CAPN9: variants seen among roughly 807,000 people sequenced by gnomAD.
CAPN9 encodes calpain-9.
A neutral mutation model predicts 92.8 loss-of-function variants in CAPN9; 81 were observed. The observed-to-expected ratio is 0.87, with a 90% CI of 0.73 to 1.05. The LOEUF (loss-of-function observed/expected upper bound fraction) is 1.05, where lower values mean the gene tolerates loss of function less well. CAPN9 is among the 50% of genes least tolerant of loss of function. The probability of loss-of-function intolerance (pLI) is 0.00; values close to 1 mark genes in which losing one functional copy is unlikely to be tolerated. For missense variants in CAPN9, 848 were observed against 866.2 expected, an observed-to-expected ratio of 0.98 and a Z score of 0.26; for synonymous variants, 304 against 328.0, an observed-to-expected ratio of 0.93 and a Z score of 0.79.
intron 5 of CAPN9, 105 bp downstream of exon 5, chr1:230,767,814 A>T: frequency 1.9e-6 from 2 of 1,043,978 alleles, no homozygotes; most frequent in Non-Finnish European, 2.8e-6. Flanking sequence ...ACACCCAAGG[A>T]GGGGCATAAC....
chr1:230,785,987 G>A lies in CAPN9; in HGVS notation c.1488G>A (p.Met496Ile). 1 of 1,614,010 alleles carries A rather than the reference G, an allele frequency of 6.2e-7. No homozygotes were observed. Among genetic ancestry groups the A allele is most frequent in the East Asian group, 2.2e-5 (1 of 44,890 alleles). Residue 496 changes from methionine to isoleucine, a missense_variant, in exon 12 of 20, where the codon ATG becomes ATA. Coordinates refer to ENST00000271971, the MANE Select transcript of CAPN9 (RefSeq NM_006615.3). The part of the protein sequence containing the change: ...FSEKKAITRD[M>I]DGNVDIDLPE... Reference sequence around the variant, plus strand: ...TGTTTTTCTGCCCCTACAGGGATATGGATGGAAATGTAGACATTGACCTTC... The same window carrying A: ...TGTTTTTCTGCCCCTACAGGGATATAGATGGAAATGTAGACATTGACCTTC...
At chr1:230,799,718 C>A (rs76794163) in intron 19 of CAPN9, among the ~76,000 whole-genome samples, 100 of 152,292 alleles carry the variant, frequency 6.6e-4, no homozygotes, top group African/African-American at 2.3e-3. Context: ...AAGATGTGCA[C>A]ACACAAATTA....
intron 18 of CAPN9, among the ~76,000 whole-genome samples, chr1:230,796,292 C>G (rs886354002): frequency 4.0e-5 from 6 of 150,162 alleles, no homozygotes; most frequent in African/African-American, 1.5e-4. Flanking sequence ...CCACTGCACT[C>G]CAGCCTGGGC....
chr1:230,764,955 A>C (rs1034998545), intron 4 of CAPN9, among the ~76,000 whole-genome samples: 2 of 152,190 alleles, frequency 1.3e-5, no homozygotes, highest in Non-Finnish European at 1.5e-5. Context: ...TATCATACAC[A>C]TATGTATTTC....
At chr1:230,775,277 C>A (rs1213528035) in intron 8 of CAPN9, among the ~76,000 whole-genome samples, 1 of 152,154 alleles carries the variant, frequency 6.6e-6, no homozygotes, top group Non-Finnish European at 1.5e-5. Context: ...AATTTGAAGA[C>A]AGGCAGCCCT....
Position 230,747,550 on chromosome 1 carries a change from C to A in CAPN9, c.54C>A (p.Asp18Glu). The A allele has an allele frequency of 1.2e-6, 2 of 1,614,188 alleles. No homozygotes were observed. Among genetic ancestry groups the A allele is most frequent in the Non-Finnish European group, 1.7e-6 (2 of 1,180,044 alleles). ...PGPQAHPVPK[D>E]ARITHSSGQS... The stretch of plus-strand genomic sequence containing the variant: ...CTCAGGCACACCCGGTTCCCAAGGA[C>A]GCCCGGATCACCCACTCCTCAGGCC... Residue 18 changes from aspartate to glutamate, a missense_variant, in exon 1 of 20, where the codon GAC becomes GAA. By Grantham distance (45) the Asp-to-Glu change is conservative (BLOSUM62 2). Transcript: ENST00000271971.
chr1:230,793,121 G>C (rs1010521273), intron 17 of CAPN9, among the ~76,000 whole-genome samples, 193 bp downstream of exon 17: 1 of 152,168 alleles, frequency 6.6e-6, no homozygotes, highest in African/African-American at 2.4e-5. Context: ...CTGACACCAG[G>C]GCCCTCATTT....
intron 3 of CAPN9, among the ~76,000 whole-genome samples, chr1:230,761,096 G>A (rs1665603837): frequency 6.6e-6 from 1 of 152,148 alleles, no homozygotes; most frequent in African/African-American, 2.4e-5. Flanking sequence ...GAACTCAGGA[G>A]TTCTGGATCC....
intron 5 of CAPN9, 21 bp downstream of exon 5, chr1:230,767,730 C>G: frequency 6.2e-7 from 1 of 1,608,244 alleles, no homozygotes; most frequent in Non-Finnish European, 8.5e-7. Context: ...CATGGGCTCC[C>G]ATTCCAGGCA....
In CAPN9 at chr1:230,795,214, A is replaced by T. The variant is rs1377497758; in HGVS notation, c.1922A>T (p.Asp641Val). ...LLQLIVLRYA[D>V]EELQLDFDDF... Reference sequence around the variant, plus strand: ...CAGCTGATTGTGCTCAGGTATGCGGATGAGGAGCTCCAGCTGGACTTCGAT... The same window carrying T: ...CAGCTGATTGTGCTCAGGTATGCGGTTGAGGAGCTCCAGCTGGACTTCGAT... Residue 641 changes from aspartate to valine, a missense_variant, in exon 18 of 20, where the codon GAT becomes GTT. By Grantham distance (152) the Asp-to-Val change is radical. Coordinates refer to ENST00000271971, the MANE Select transcript of CAPN9 (RefSeq NM_006615.3). 3 of 1,613,518 alleles carry T rather than the reference A, an allele frequency of 1.9e-6. No homozygotes were observed. Among genetic ancestry groups the T allele is most frequent in the African/African-American group, 2.7e-5 (2 of 74,872 alleles).
intron 3 of CAPN9, among the ~76,000 whole-genome samples, chr1:230,760,650 G>A (rs984641647): frequency 2.6e-4 from 40 of 152,178 alleles, no homozygotes; most frequent in African/African-American, 9.4e-4. Context: ...GAGCCACTTT[G>A]GGTCCCAGGG....
At position 230,754,111 on chromosome 1, in the gene CAPN9, G is replaced by GGGGGAGGGGCGGGGCAGGAGGCT. The variant is rs1343830355; in HGVS notation, c.214-1222_214-1200dup. Among the ~76,000 whole-genome samples, 483 of 152,020 alleles carry GGGGGAGGGGCGGGGCAGGAGGCT rather than the reference G, an allele frequency of 3.2e-3. 5 individuals carry two copies. The highest frequency in any genetic ancestry group is 0.011 in the African/African-American group (461 of 41,384). On this transcript the variant is annotated intron_variant, in intron 1 of 19. Coordinates refer to ENST00000271971, the MANE Select transcript of CAPN9 (RefSeq NM_006615.3). The stretch of plus-strand genomic sequence containing the variant: ...GGTGAGGCCAGGGCTGAGGCAGGCT[G>GGGGGAGGGGCGGGGCAGGAGGCT]GGGGAGGGGCGGGGCAGGAGGCTGG...
chr1:230,747,823 G>A (rs28359584), intron 1 of CAPN9, 114 bp downstream of exon 1: 1 of 857,320 alleles, frequency 1.2e-6, no homozygotes, highest in East Asian at 2.6e-5. Flanking sequence ...TGCAACTGAG[G>A]TGCATCATCC....
intron 7 of CAPN9, 136 bp downstream of exon 7, chr1:230,772,235 G>A: frequency 2.9e-6 from 2 of 696,940 alleles, no homozygotes. Flanking sequence ...CCGATTCTGA[G>A]GTGCCCCTTC....
Position 230,795,847 on chromosome 1 carries a change from T to C in CAPN9, c.1987+568T>C, listed in dbSNP as rs1026200568. Among the ~76,000 whole-genome samples, 18 of 152,242 alleles carry C rather than the reference T, an allele frequency of 1.2e-4. 2 individuals are homozygous for C. In the South Asian group the frequency reaches 3.7e-3, roughly 32 times the overall value. On this transcript the variant is annotated intron_variant, in intron 18 of 19. Coordinates refer to ENST00000271971, the MANE Select transcript of CAPN9 (RefSeq NM_006615.3). Reference sequence around the variant, plus strand: ...CTGGAGTGGCTATGAGGACATGCCCTGTGTGCAGGTGCCAAAGGACCCGTG... The same window carrying C: ...CTGGAGTGGCTATGAGGACATGCCCCGTGTGCAGGTGCCAAAGGACCCGTG...
chr1:230,768,556 TC>T (rs1031409168), intron 5 of CAPN9, among the ~76,000 whole-genome samples: 1 of 151,650 alleles, frequency 6.6e-6, no homozygotes, highest in African/African-American at 2.4e-5. Flanking sequence ...TTTTTTTTTT[TC>T]ATTTCATGTA....
intron 12 of CAPN9, chr1:230,786,275 T>C: frequency 2.2e-6 from 1 of 455,836 alleles, no homozygotes; most frequent in Non-Finnish European, 2.9e-6. Flanking sequence ...TCCTCTGTGC[T>C]ACTGTCAACT....
Position 230,747,588 on chromosome 1 carries a change from A to T in CAPN9, c.92A>T (p.Gln31Leu). The T allele has an allele frequency of 6.2e-7, 1 of 1,614,210 alleles. No individual in the cohort carries two copies. The highest frequency in any genetic ancestry group is 8.5e-7 in the Non-Finnish European group (1 of 1,180,036). Residue 31 changes from glutamine (Q) to leucine (L), a missense_variant, in exon 1 of 20, where the codon CAA becomes CTA. Gln to Leu is a moderately radical substitution (Grantham distance 113). Coordinates refer to ENST00000271971, the MANE Select transcript of CAPN9 (RefSeq NM_006615.3). Reference protein sequence around the residue: ...ITHSSGQSFEQMRQECLQRGT... With the variant: ...ITHSSGQSFELMRQECLQRGT... ...CACTCCTCAGGCCAGAGCTTTGAGC[A>T]AATGAGGCAGGAGTGCCTGCAGAGA...
chr1:230,786,813 AG>A (rs1171026123), intron 12 of CAPN9, among the ~76,000 whole-genome samples: 1 of 152,146 alleles, frequency 6.6e-6, no homozygotes, highest in African/African-American at 2.4e-5. Context: ...AGAGGCAGGG[AG>A]ATGTTTTTTA....
Sources: allele counts gnomAD v4.1 joint callset (sites outside exome capture counted in the v4.1 genomes callset), GRCh38; gene constraint gnomAD v4.1.1; transcripts MANE v1.5; gene names NCBI Gene and HGNC (gene_info 2026-07-23, HGNC 2026-07-21).